RHOA: variants seen among roughly 807,000 people sequenced by gnomAD.
RHOA encodes the protein transforming protein RhoA.
Under a neutral mutation model 17.5 loss-of-function variants are expected in RHOA, and 3 were observed. That is an observed-to-expected ratio of 0.17 (90% CI 0.08 to 0.44). The LOEUF (loss-of-function observed/expected upper bound fraction) is 0.44. RHOA is among the 20% of genes least tolerant of loss of function. The pLI is 0.99. For missense variants in RHOA, 56 were observed against 242.3 expected, an observed-to-expected ratio of 0.23 and a Z score of 5.10; for synonymous variants, 98 against 88.4, an observed-to-expected ratio of 1.11 and a Z score of -0.61.
chr3:49,393,981 C>T (rs1362018010), intron 1 of RHOA, among the ~76,000 whole-genome samples: 1 of 151,728 alleles, frequency 6.6e-6, no homozygotes. Context: ...CGCCATTCTC[C>T]TGCCTCAGCC....
intron 1 of RHOA, among the ~76,000 whole-genome samples, chr3:49,382,320 AAAATAAAT>A (rs1259820748): frequency 6.8e-6 from 1 of 146,502 alleles, no homozygotes; most frequent in Non-Finnish European, 1.5e-5. Context: ...CTCCGTCTCA[AAAATAAAT>A]AAATAAATAA....
chr3:49,369,894 C>G (rs1423276205), intron 2 of RHOA, among the ~76,000 whole-genome samples: 1 of 152,052 alleles, frequency 6.6e-6, no homozygotes, highest in Non-Finnish European at 1.5e-5. Context: ...GTGGAGAAAC[C>G]CCATCTCTAC....
chr3:49,372,774 G>C (rs1385948009), intron 2 of RHOA, among the ~76,000 whole-genome samples: 1 of 150,144 alleles, frequency 6.7e-6, no homozygotes, highest in Non-Finnish European at 1.5e-5. Context: ...CTATGAAAGA[G>C]GGTTTTGAAC....
chr3:49,374,646 C>CGGGA (rs1269280523), intron 2 of RHOA, among the ~76,000 whole-genome samples: 3 of 151,846 alleles, frequency 2.0e-5, no homozygotes, highest in Non-Finnish European at 2.9e-5. Flanking sequence ...TGCTTGAACC[C>CGGGA]GGGAGGTGGA....
intron 1 of RHOA, among the ~76,000 whole-genome samples, chr3:49,379,651 A>G (rs919626927): frequency 6.6e-6 from 1 of 152,112 alleles, no homozygotes; most frequent in African/African-American, 2.4e-5. Flanking sequence ...AGTAGCTGGA[A>G]CTAAAGGTGC....
chr3:49,359,982 G>C lies in RHOA; in HGVS notation c.*227C>G. 1 of 453,856 alleles carries C rather than the reference G, an allele frequency of 2.2e-6. No individual in the cohort carries two copies. Among genetic ancestry groups the C allele is most frequent in the Non-Finnish European group, 3.9e-6 (1 of 257,308 alleles). 28.1% of individuals were successfully genotyped at this position (453,856 alleles called of 1,614,324 possible). ...TTAGCGCCTGGTGTGTCAGGTGGGA[G>C]TGCAGAGGAGGGCTGTTAGAGCAGT... On this transcript the variant is annotated 3_prime_UTR_variant, in exon 5 of 5. Coordinates refer to ENST00000418115, the MANE Select transcript of RHOA (RefSeq NM_001664.4).
At chr3:49,397,333 A>C (rs2048633794) in intron 1 of RHOA, among the ~76,000 whole-genome samples, 1 of 152,136 alleles carries the variant, frequency 6.6e-6, no homozygotes, top group Admixed American at 6.6e-5. Context: ...ATTGAAGATG[A>C]CAGTTGAAGA....
intron 1 of RHOA, among the ~76,000 whole-genome samples, chr3:49,380,641 C>T (rs2048300260): frequency 6.7e-6 from 1 of 150,260 alleles, no homozygotes; most frequent in Non-Finnish European, 1.5e-5. Flanking sequence ...TGCCACTGCA[C>T]TCCAGCCTGG....
intron 1 of RHOA, among the ~76,000 whole-genome samples, chr3:49,385,218 T>C (rs2048377086): frequency 6.8e-6 from 1 of 148,084 alleles, no homozygotes; most frequent in African/African-American, 2.5e-5. Flanking sequence ...ATTGCCCCCC[T>C]ACCTTTTTTT....
chr3:49,409,227 T>C (rs1004831790), intron 1 of RHOA, among the ~76,000 whole-genome samples: 1 of 151,446 alleles, frequency 6.6e-6, no homozygotes, highest in Admixed American at 6.6e-5. Flanking sequence ...AAACCCCATC[T>C]CTACTAAAAA....
chr3:49,401,634 A>C (rs1004843353), intron 1 of RHOA, among the ~76,000 whole-genome samples: 1 of 152,118 alleles, frequency 6.6e-6, no homozygotes, highest in Admixed American at 6.6e-5. Flanking sequence ...ACTGCATGGG[A>C]AATTCCTGAT....
chr3:49,399,628 A>G (rs2048688945), intron 1 of RHOA, among the ~76,000 whole-genome samples: 1 of 149,730 alleles, frequency 6.7e-6, no homozygotes, highest in South Asian at 2.1e-4. Flanking sequence ...CTCAGGCTGC[A>G]GTGCTGGAGT....
At chr3:49,394,202 C>T (rs568314409) in intron 1 of RHOA, among the ~76,000 whole-genome samples, 1 of 151,792 alleles carries the variant, frequency 6.6e-6, no homozygotes, top group East Asian at 2.0e-4. Context: ...GACAGGGATT[C>T]ACCATGTTGG....
At chr3:49,397,534 G>A (rs1039727769) in intron 1 of RHOA, among the ~76,000 whole-genome samples, 1 of 152,074 alleles carries the variant, frequency 6.6e-6, no homozygotes, top group Non-Finnish European at 1.5e-5. Flanking sequence ...AATAAGCGTT[G>A]AAAGTATGGC....
chr3:49,401,532 T>C (rs2048724733), intron 1 of RHOA, among the ~76,000 whole-genome samples: 1 of 140,254 alleles, frequency 7.1e-6, no homozygotes, highest in African/African-American at 2.7e-5. Flanking sequence ...CACTCCAGCC[T>C]GGGCGACAAG....
intron 1 of RHOA, among the ~76,000 whole-genome samples, chr3:49,396,315 T>G (rs1230241647): frequency 6.6e-6 from 1 of 152,174 alleles, no homozygotes; most frequent in Non-Finnish European, 1.5e-5. Context: ...GGCTCACGCC[T>G]GTAATCCCAG....
Position 49,375,419 on chromosome 3 carries a change from GAAAAGT to G in RHOA, c.156+9_156+14del. On this transcript the variant is annotated intron_variant, in intron 2 of 4. Transcript: ENST00000418115. The stretch of plus-strand genomic sequence containing the variant: ...CATGGAAAATGGCATCAGTTGTTAT[GAAAAGT>G]ATACTCACCTGCTTTCCATCCACCT... 1 of 1,595,972 alleles carries G rather than the reference GAAAAGT, an allele frequency of 6.3e-7. No homozygotes were observed. The highest frequency in any genetic ancestry group is 1.3e-5 in the African/African-American group (1 of 74,256).
Position 49,378,190 on chromosome 3 carries a change from A to AAAG in RHOA, c.-2-2600_-2-2599insCTT, listed in dbSNP as rs1553633116. Among the ~76,000 whole-genome samples, 5 of 149,514 alleles carry AAAG rather than the reference A, an allele frequency of 3.3e-5. No individual in the cohort carries two copies. In the East Asian group the frequency reaches 7.8e-4, roughly 23 times the overall value. The stretch of plus-strand genomic sequence containing the variant: ...TGTCTTAAAAAAAAAAAAAAAAAAA[A>AAAG]AGAGAGAACTCCTTCTGACATGAAG... On this transcript the variant is annotated intron_variant, in intron 1 of 4. Transcript: ENST00000418115.
chr3:49,405,876 G>A (rs1220860856), intron 1 of RHOA, among the ~76,000 whole-genome samples: 2 of 151,996 alleles, frequency 1.3e-5, no homozygotes, highest in Non-Finnish European at 2.9e-5. Flanking sequence ...GTAGAGATGG[G>A]GTTTCACCAT....
Sources: allele counts gnomAD v4.1 joint callset (sites outside exome capture counted in the v4.1 genomes callset), GRCh38; gene constraint gnomAD v4.1.1; transcripts MANE v1.5; gene names NCBI Gene and HGNC (gene_info 2026-07-23, HGNC 2026-07-21).